Variants in TRPM3 observed in about 807,000 individuals in gnomAD.
The protein encoded by TRPM3 is transient receptor potential cation channel subfamily M member 3.
A neutral mutation model predicts 181.2 loss-of-function variants in TRPM3; 77 were observed. The ratio of observed to expected loss-of-function variants is 0.42; its 90% confidence interval spans 0.35 to 0.51. The LOEUF (loss-of-function observed/expected upper bound fraction) is 0.51, where lower values mean the gene tolerates loss of function less well. Ranked by LOEUF, TRPM3 falls within the 20% of genes least tolerant of loss-of-function variation. The pLI is 0.01. For synonymous variants in TRPM3, 745 were observed against 796.4 expected, an observed-to-expected ratio of 0.94 and a Z score of 1.09; for missense variants, 1,759 against 2,196.7, an observed-to-expected ratio of 0.80 and a Z score of 3.98.
At chr9:70,579,726 A>G (rs936629084) in intron 22 of TRPM3, among the ~76,000 whole-genome samples, 1 of 152,232 alleles carries the variant, frequency 6.6e-6, no homozygotes, top group African/African-American at 2.4e-5. Context: ...TTCAGGCATC[A>G]GCAATTTACT....
At chr9:70,992,606 C>T (rs1412538301) in intron 1 of TRPM3, among the ~76,000 whole-genome samples, 1 of 152,098 alleles carries the variant, frequency 6.6e-6, no homozygotes, top group Non-Finnish European at 1.5e-5. Context: ...TAGCTGCTAG[C>T]CATATGTGTG....
At chr9:70,669,639 G>A (rs1004124733) in intron 9 of TRPM3, among the ~76,000 whole-genome samples, 1 of 152,150 alleles carries the variant, frequency 6.6e-6, no homozygotes, top group Non-Finnish European at 1.5e-5. Context: ...GAGGGCAGGG[G>A]TCAAAATATC....
intron 1 of TRPM3, among the ~76,000 whole-genome samples, chr9:71,293,862 C>G (rs1375481955): frequency 6.6e-6 from 1 of 151,860 alleles, no homozygotes; most frequent in East Asian, 1.9e-4. Context: ...TGAGAGAGAA[C>G]CAGACACAGA....
chr9:70,549,494 T>C, intron 25 of TRPM3, 48 bp downstream of exon 25: 2 of 1,569,964 alleles, frequency 1.3e-6, no homozygotes, highest in Non-Finnish European at 1.7e-6. Context: ...GGATAAAGCA[T>C]GCCTTGGCAC....
At chr9:70,880,345 C>T (rs1244562795) in intron 1 of TRPM3, among the ~76,000 whole-genome samples, 1 of 151,900 alleles carries the variant, frequency 6.6e-6, no homozygotes, top group Non-Finnish European at 1.5e-5. Flanking sequence ...ATTTTTTAAG[C>T]CTTAGAAAAT....
intron 1 of TRPM3, among the ~76,000 whole-genome samples, chr9:71,066,279 A>G (rs1182643638): frequency 2.0e-5 from 3 of 152,202 alleles, no homozygotes; most frequent in Non-Finnish European, 4.4e-5. Flanking sequence ...TTTATTATTC[A>G]AATATCGGCA....
At chr9:70,874,577 AT>A (rs759293724) in intron 1 of TRPM3, among the ~76,000 whole-genome samples, 9 of 151,960 alleles carry the variant, frequency 5.9e-5, no homozygotes, top group Non-Finnish European at 1.0e-4. Context: ...TAATGTCATG[AT>A]TTAAGTCCTT....
chr9:70,979,855 C>T (rs1344872007), intron 1 of TRPM3, among the ~76,000 whole-genome samples: 1 of 152,152 alleles, frequency 6.6e-6, no homozygotes. Flanking sequence ...CACCTTCTCA[C>T]TGTGTCCTCA....
chr9:71,226,090 G>A (rs1250845423), intron 1 of TRPM3, among the ~76,000 whole-genome samples: 3 of 141,476 alleles, frequency 2.1e-5, no homozygotes, highest in Admixed American at 7.2e-5. Flanking sequence ...TGTGGTTTAT[G>A]CAATCACTTA....
chr9:71,163,166 C>A (rs192878583), intron 1 of TRPM3, among the ~76,000 whole-genome samples: 11 of 152,230 alleles, frequency 7.2e-5, no homozygotes, highest in Admixed American at 5.9e-4. Flanking sequence ...ATTAAAAATT[C>A]ACCTTGGAAG....
intron 1 of TRPM3, among the ~76,000 whole-genome samples, chr9:71,335,751 G>C (rs1433327743): frequency 6.6e-6 from 1 of 151,868 alleles, no homozygotes; most frequent in Non-Finnish European, 1.5e-5. Flanking sequence ...TAAACATAAA[G>C]AATGTCAGGT....
At chr9:70,787,763 C>CTTTTTTTTTTTTTTTTTTTTTCTTTTTA (rs2084071076) in intron 6 of TRPM3, among the ~76,000 whole-genome samples, 4 of 68,556 alleles carry the variant, frequency 5.8e-5, no homozygotes, top group African/African-American at 1.2e-4. Context: ...TTTTTGGATT[C>CTTTTTTTTTTTTTTTTTTTTTCTTTTTA]TTTTTTTTTT....
chr9:71,208,693 A>G (rs1439301497), intron 1 of TRPM3, among the ~76,000 whole-genome samples: 2 of 152,220 alleles, frequency 1.3e-5, no homozygotes, highest in African/African-American at 4.8e-5. Flanking sequence ...AAATTCATCA[A>G]AAGTAGTGCT....
At chr9:70,826,386 GATA>G (rs1330873909) in intron 6 of TRPM3, 1 of 152,136 alleles carries the variant, frequency 6.6e-6, no homozygotes, top group African/African-American at 2.4e-5. Flanking sequence ...TTCACCTTGG[GATA>G]ATAACACTTG....
At chr9:71,241,676 T>C (rs1378968933) in intron 1 of TRPM3, among the ~76,000 whole-genome samples, 2 of 152,148 alleles carry the variant, frequency 1.3e-5, no homozygotes, top group Non-Finnish European at 2.9e-5. Context: ...TCTGCAACCA[T>C]GTAACATTCT....
chr9:70,860,010 C>T (rs1168204003), intron 3 of TRPM3, among the ~76,000 whole-genome samples: 1 of 152,166 alleles, frequency 6.6e-6, no homozygotes, highest in Non-Finnish European at 1.5e-5. Context: ...TGGACTTATG[C>T]AGCCTGGCAC....
chr9:70,537,128 G>A lies in TRPM3; in HGVS notation c.3985C>T (p.Pro1329Ser). Residue 1329 changes from proline to serine, a missense_variant, in exon 26 of 26, where the codon CCT becomes TCT. Coordinates refer to ENST00000677713, the MANE Select transcript of TRPM3 (RefSeq NM_001366145.2). ...GGGGACATGGTCTCCTCACCTGCAG[G>A]GTCTATACTCTCTTGGAGCTTGAAG... Reference protein sequence around the residue: ...NTFKLQESIDPAGEETMSPTS... With the variant: ...NTFKLQESIDSAGEETMSPTS... 6.2e-7 allele frequency: 1 copy of A among 1,604,044 alleles called. No individual in the cohort carries two copies. The highest frequency in any genetic ancestry group is 8.5e-7 in the Non-Finnish European group (1 of 1,172,100).
At chr9:70,801,856 C>T (rs1405390512) in intron 6 of TRPM3, among the ~76,000 whole-genome samples, 5 of 152,222 alleles carry the variant, frequency 3.3e-5, no homozygotes, top group East Asian at 1.9e-4. Context: ...CTTAAAACCC[C>T]GATTCTAATG....
chr9:70,846,303 A>G, intron 4 of TRPM3, 75 bp downstream of exon 4: 3 of 1,407,276 alleles, frequency 2.1e-6, no homozygotes, highest in Non-Finnish European at 3.0e-6. Context: ...GAAATAATTA[A>G]TCTTAGCAGA....
Sources: gnomAD v4.1 joint callset for allele counts (sites outside exome capture counted in the v4.1 genomes callset) on GRCh38, gnomAD v4.1.1 for gene constraint, MANE v1.5 for transcripts, NCBI Gene and HGNC (gene_info 2026-07-23, HGNC 2026-07-21) for gene names.